Variants in MAGI2 observed in about 807,000 individuals in gnomAD.
MAGI2 encodes the protein membrane associated guanylate kinase, WW and PDZ domain containing 2, also known as membrane-associated guanylate kinase, WW and PDZ domain-containing protein 2.
In MAGI2, 35 loss-of-function variants were observed where a neutral mutation model predicts 133.3. The ratio of observed to expected loss-of-function variants is 0.26; its 90% CI spans 0.20 to 0.35. The LOEUF (loss-of-function observed/expected upper bound fraction) is 0.35. Ranked by LOEUF, MAGI2 falls within the 10% of genes least tolerant of loss-of-function variation. The pLI, the probability that MAGI2 is intolerant of heterozygous loss-of-function variation, is 1.00. For missense variants in MAGI2, 1,636 were observed against 1,863.4 expected, an observed-to-expected ratio of 0.88 and a Z score of 2.25; for synonymous variants, 729 against 710.6, an observed-to-expected ratio of 1.03 and a Z score of -0.41.
intron 2 of MAGI2, among the ~76,000 whole-genome samples, chr7:78,845,048 T>C (rs907267788): frequency 6.6e-6 from 1 of 151,938 alleles, no homozygotes; most frequent in African/African-American, 2.4e-5. Flanking sequence ...TGGTAGATTA[T>C]TCAAAGTGCC....
At chr7:79,385,908 ACTCT>A (rs913778013) in intron 1 of MAGI2, among the ~76,000 whole-genome samples, 3 of 151,862 alleles carry the variant, frequency 2.0e-5, no homozygotes, top group African/African-American at 7.2e-5. Flanking sequence ...TAACCATTTT[ACTCT>A]CTCTATGAAT....
chr7:79,418,837 A>G (rs1846727955), intron 1 of MAGI2, among the ~76,000 whole-genome samples: 1 of 35,956 alleles, frequency 2.8e-5, no homozygotes. Context: ...ACATACACAC[A>G]CACACACACA....
At chr7:78,214,625 G>C (rs1230600949) in intron 10 of MAGI2, among the ~76,000 whole-genome samples, 5 of 151,840 alleles carry the variant, frequency 3.3e-5, no homozygotes, top group Admixed American at 3.3e-4. Flanking sequence ...GTAAGATCTG[G>C]AATATAGGTA....
Position 79,005,984 on chromosome 7 carries a change from G to A in MAGI2, c.418+1106C>T, listed in dbSNP as rs147367295. On this transcript the variant is annotated intron_variant, in intron 2 of 21. Coordinates refer to ENST00000354212, the MANE Select transcript of MAGI2 (RefSeq NM_012301.4). ...TTGATAATGGTGTCCTGGCATTGTCGTTTTGATGAATATTTAGTGCTAACA... is the reference window on the plus strand; with the variant it reads ...TTGATAATGGTGTCCTGGCATTGTCATTTTGATGAATATTTAGTGCTAACA... Among the ~76,000 whole-genome samples, 22 of 152,170 alleles carry A rather than the reference G, an allele frequency of 1.4e-4. No homozygotes were observed. The East Asian group carries it at 3.3e-3, about 23-fold the overall frequency.
intron 2 of MAGI2, among the ~76,000 whole-genome samples, chr7:78,677,927 A>C (rs1271097704): frequency 2.6e-5 from 4 of 152,088 alleles, no homozygotes; most frequent in Admixed American, 2.6e-4. Flanking sequence ...GCACAGACTG[A>C]ACCAAAAAAC....
chr7:78,433,710 A>C (rs552577139), intron 6 of MAGI2, among the ~76,000 whole-genome samples: 1 of 152,294 alleles, frequency 6.6e-6, no homozygotes, highest in South Asian at 2.1e-4. Context: ...ATCTGGCTTA[A>C]GAGCCAGTAG....
At chr7:79,047,275 A>T (rs1252504480) in intron 1 of MAGI2, among the ~76,000 whole-genome samples, 1 of 152,174 alleles carries the variant, frequency 6.6e-6, no homozygotes, top group East Asian at 1.9e-4. Flanking sequence ...ATTTTACAAT[A>T]AAATAATGTA....
intron 1 of MAGI2, among the ~76,000 whole-genome samples, chr7:79,280,926 GAAAAAAAAAAAAAAAAAAAAAA>G (rs71095390): frequency 3.1e-4 from 11 of 35,788 alleles, no homozygotes; most frequent in South Asian, 4.5e-3. Flanking sequence ...CTCTGTCTCT[GAAAAAAAAAAAAAAAAAAAAAA>G]AAAAAAAAAA....
intron 1 of MAGI2, among the ~76,000 whole-genome samples, chr7:79,148,515 C>T (rs1822866964): frequency 1.3e-5 from 2 of 151,994 alleles, no homozygotes; most frequent in Non-Finnish European, 2.9e-5. Flanking sequence ...CTATTGTAAA[C>T]CTCATATATC....
At chr7:78,123,961 G>T (rs1490194446) in intron 20 of MAGI2, among the ~76,000 whole-genome samples, 1 of 152,178 alleles carries the variant, frequency 6.6e-6, no homozygotes, top group South Asian at 2.1e-4. Context: ...TAAGAAAGAG[G>T]AATCTTTTCC....
intron 2 of MAGI2, among the ~76,000 whole-genome samples, chr7:78,718,522 T>C (rs1283137136): frequency 3.9e-5 from 6 of 151,984 alleles, no homozygotes; most frequent in Admixed American, 2.0e-4. Flanking sequence ...GCAGGAACCC[T>C]ATCTTGAACA....
chr7:78,358,848 T>A (rs1792460674), intron 7 of MAGI2: 1 of 167,488 alleles, frequency 6.0e-6, no homozygotes, highest in Non-Finnish European at 1.3e-5. Context: ...TACACAGAGG[T>A]CCTAAGACCG....
At chr7:78,721,531 T>G (rs1055895538) in intron 2 of MAGI2, among the ~76,000 whole-genome samples, 16 of 152,034 alleles carry the variant, frequency 1.1e-4, no homozygotes, top group Admixed American at 2.0e-4. Context: ...CCCGGGTAGA[T>G]GCAGAATTTT....
chr7:78,664,173 G>A (rs186670630), intron 2 of MAGI2, among the ~76,000 whole-genome samples: 16 of 152,194 alleles, frequency 1.1e-4, no homozygotes, highest in Admixed American at 9.8e-4. Context: ...ATTGAGAAGT[G>A]ACACTTACAT....
At chr7:78,676,205 A>G (rs995063683) in intron 2 of MAGI2, among the ~76,000 whole-genome samples, 1 of 152,180 alleles carries the variant, frequency 6.6e-6, no homozygotes, top group African/African-American at 2.4e-5. Flanking sequence ...CAAAAGATAT[A>G]ATGCCATTAT....
chr7:78,894,334 A>C (rs932286048), intron 2 of MAGI2, among the ~76,000 whole-genome samples: 2 of 152,198 alleles, frequency 1.3e-5, no homozygotes, highest in African/African-American at 4.8e-5. Context: ...CCCGGGTGGC[A>C]GAGCTTGCAG....
intron 2 of MAGI2, among the ~76,000 whole-genome samples, chr7:78,712,820 A>G (rs536741014): frequency 1.3e-5 from 2 of 152,292 alleles, no homozygotes; most frequent in South Asian, 2.1e-4. Flanking sequence ...AAGCAGAAGA[A>G]AACATCAAAA....
At chr7:78,763,608 G>A (rs1176513000) in intron 2 of MAGI2, among the ~76,000 whole-genome samples, 1 of 152,046 alleles carries the variant, frequency 6.6e-6, no homozygotes, top group Admixed American at 6.5e-5. Flanking sequence ...TCCTCCCAAA[G>A]CATGATTATA....
chr7:78,800,711 A>T, intron 2 of MAGI2, among the ~76,000 whole-genome samples: 1 of 152,170 alleles, frequency 6.6e-6, no homozygotes, highest in East Asian at 1.9e-4. Flanking sequence ...CTTGAAAATG[A>T]TTCTATTGTG....
Sources: allele counts gnomAD v4.1 joint callset (sites outside exome capture counted in the v4.1 genomes callset), GRCh38; gene constraint gnomAD v4.1.1; transcripts MANE v1.5; gene names NCBI Gene and HGNC (gene_info 2026-07-23, HGNC 2026-07-21).